Variants in ANOS1 observed in about 807,000 individuals in gnomAD.
ANOS1 encodes anosmin-1.
ANOS1 carries 6 observed loss-of-function variants against 59.0 expected under a neutral mutation model. The observed-to-expected ratio is 0.10, with a 90% CI of 0.06 to 0.20. The LOEUF is 0.20. ANOS1 is among the 10% of genes least tolerant of loss of function. ANOS1 has a pLI of 1.00. For synonymous variants in ANOS1, 217 were observed against 223.4 expected, an observed-to-expected ratio of 0.97 and a Z score of 0.25; for missense variants, 433 against 542.3, an observed-to-expected ratio of 0.80 and a Z score of 2.00.
chrX:8,586,788 G>T lies in ANOS1; in HGVS notation c.726+1006C>A, dbSNP rs1321624244. 1.1e-4 allele frequency among the ~76,000 whole-genome samples: 11 copies of T among 101,919 alleles called. No individual in the cohort carries two copies. In the Admixed American group the frequency reaches 1.2e-3, roughly 11 times the overall value. 88.5% of individuals were successfully genotyped at this position (101,919 alleles called of 115,157 possible). On this transcript the variant is annotated intron_variant, in intron 5 of 13. Transcript: ENST00000262648. Reference sequence around the variant, plus strand: ...AGAATTACTAAATTTATTTGACCAGGTTTTTTTTTTTTCTAATTTAATGTT... The same window carrying T: ...AGAATTACTAAATTTATTTGACCAGTTTTTTTTTTTTTCTAATTTAATGTT...
Position 8,530,521 on chromosome X carries a change from C to T in ANOS1, c.*2474G>A, listed in dbSNP as rs745895869. 2 of 109,924 alleles carry T rather than the reference C, an allele frequency of 1.8e-5. No homozygotes were observed. Among genetic ancestry groups the T allele is most frequent in the South Asian group, 7.8e-4 (2 of 2,564 alleles). 9.1% of individuals were successfully genotyped at this position (109,924 alleles called of 1,213,427 possible). A position where few individuals can be genotyped will look rare whatever the true frequency, so the allele number is the denominator to read the frequency against. ...GAGAAACACATGTTTTTTATTAGCC[C>T]ATTAATAGCATTTTTCTTCCAATAA... On this transcript the variant is annotated 3_prime_UTR_variant, in exon 14 of 14. Transcript: ENST00000262648.
intron 1 of ANOS1, among the ~76,000 whole-genome samples, chrX:8,723,135 A>G (rs988915696): frequency 4.4e-5 from 5 of 112,516 alleles, no homozygotes; most frequent in African/African-American, 1.6e-4. Context: ...TAACCCTTTG[A>G]GACACTGGCT....
At chrX:8,589,241 A>C (rs1930574449) in intron 4 of ANOS1, among the ~76,000 whole-genome samples, 2 of 111,877 alleles carry the variant, frequency 1.8e-5, no homozygotes, top group South Asian at 7.5e-4. Context: ...AAAAAAAGCT[A>C]TTTTCTGGAG....
At position 8,667,282 on chromosome X, in the gene ANOS1, TTTTG is replaced by T. The variant is rs778918851; in HGVS notation, c.255+32412_255+32415del. Among the ~76,000 whole-genome samples the T allele has an allele frequency of 1.5e-3, 166 of 110,226 alleles. 1 individual carries two copies. The highest frequency in any genetic ancestry group is 4.4e-3 in the African/African-American group (133 of 30,270). On this transcript the variant is annotated intron_variant, in intron 2 of 13. Transcript: ENST00000262648. ...AACTCTTCTCTAATTTCCATAAAGC[TTTTG>T]TTTGTTTGTTTGTTTGTTTTTTGCG...
At chrX:8,666,404 C>A (rs752295702) in intron 2 of ANOS1, among the ~76,000 whole-genome samples, 2 of 111,312 alleles carry the variant, frequency 1.8e-5, no homozygotes, top group Non-Finnish European at 3.8e-5. Context: ...TTCAACAACT[C>A]CCCAACCAGT....
chrX:8,684,572 T>G (rs781771085), intron 2 of ANOS1, among the ~76,000 whole-genome samples: 20 of 110,981 alleles, frequency 1.8e-4, no homozygotes, highest in Non-Finnish European at 3.0e-4. Context: ...TTATCCTTAG[T>G]GCAGGCATTA....
chrX:8,611,459 T>C (rs1931057006), intron 3 of ANOS1, among the ~76,000 whole-genome samples: 1 of 110,375 alleles, frequency 9.1e-6, no homozygotes, highest in African/African-American at 3.3e-5. Context: ...AAAAATTTGA[T>C]TAAAATTGTA....
chrX:8,714,941 T>G (rs1932833547), intron 1 of ANOS1, among the ~76,000 whole-genome samples: 1 of 112,301 alleles, frequency 8.9e-6, no homozygotes, highest in African/African-American at 3.2e-5. Flanking sequence ...TCATCATGAT[T>G]CTGGGTTATT....
At chrX:8,620,830 A>T (rs751866096) in intron 3 of ANOS1, among the ~76,000 whole-genome samples, 1 of 112,000 alleles carries the variant, frequency 8.9e-6, no homozygotes, top group East Asian at 2.8e-4. Context: ...GCCAGAAGGG[A>T]TCACATTCAA....
intron 1 of ANOS1, among the ~76,000 whole-genome samples, chrX:8,700,410 T>C: frequency 9.0e-6 from 1 of 111,046 alleles, no homozygotes; most frequent in Non-Finnish European, 1.9e-5. Context: ...CATCAGATCT[T>C]GTGAGAACTC....
intron 3 of ANOS1, among the ~76,000 whole-genome samples, chrX:8,607,513 A>G (rs1023847814): frequency 1.8e-5 from 2 of 111,940 alleles, no homozygotes; most frequent in African/African-American, 6.5e-5. Context: ...TTTTGAAAAC[A>G]AATGTGTCAC....
At chrX:8,689,775 C>CAA (rs1226656927) in intron 2 of ANOS1, among the ~76,000 whole-genome samples, 4 of 80,712 alleles carry the variant, frequency 5.0e-5, no homozygotes, top group African/African-American at 1.8e-4. Flanking sequence ...AAAAAAAAAA[C>CAA]AAAAAAAAAA....
chrX:8,674,884 G>A (rs918868925), intron 2 of ANOS1, among the ~76,000 whole-genome samples: 8 of 111,378 alleles, frequency 7.2e-5, no homozygotes, highest in Non-Finnish European at 1.5e-4. Context: ...AGCTCCAAAT[G>A]GATTTTCTCA....
chrX:8,629,639 A>G (rs1368101204), intron 2 of ANOS1, among the ~76,000 whole-genome samples: 1 of 110,991 alleles, frequency 9.0e-6, no homozygotes, highest in Non-Finnish European at 1.9e-5. Flanking sequence ...CCTCCAACTC[A>G]TGAGTGGAAG....
At chrX:8,537,759 T>A (rs1181578199) in intron 10 of ANOS1, among the ~76,000 whole-genome samples, 1 of 79,524 alleles carries the variant, frequency 1.3e-5, no homozygotes, top group Admixed American at 1.4e-4. Context: ...CGTGTGTGTG[T>A]GTGTGTGTGT....
At chrX:8,567,383 CT>C (rs1930134532) in intron 8 of ANOS1, among the ~76,000 whole-genome samples, 2 of 111,918 alleles carry the variant, frequency 1.8e-5, no homozygotes, top group Admixed American at 9.5e-5. Context: ...TTTGTGCCCC[CT>C]ATCCACTCGC....
chrX:8,587,906 G>A lies in ANOS1; in HGVS notation c.614C>T (p.Ser205Phe). Residue 205 changes from serine to phenylalanine, a missense_variant, in exon 5 of 14, where the codon TCC becomes TTC. Coordinates refer to ENST00000262648, the MANE Select transcript of ANOS1 (RefSeq NM_000216.4). ...LQSGQLEVKW[S>F]SKFNISIEPV... Reference sequence around the variant, plus strand: ...CTCAATAGAAATATTGAATTTCGAGGACCACTTAACCTCCAGCTGTCCAGA... The same window carrying A: ...CTCAATAGAAATATTGAATTTCGAGAACCACTTAACCTCCAGCTGTCCAGA... 8.3e-7 allele frequency: 1 copy of A among 1,208,047 alleles called. No individual in the cohort carries two copies. Among genetic ancestry groups the A allele is most frequent in the South Asian group, 1.8e-5 (1 of 56,665 alleles).
In ANOS1 at chrX:8,723,185, C is replaced by A. The variant is rs770457477; in HGVS notation, c.207+8645G>T. Among the ~76,000 whole-genome samples, 5 of 112,494 alleles carry A rather than the reference C, an allele frequency of 4.4e-5. No individual in the cohort carries two copies. The East Asian group carries it at 1.4e-3, about 31-fold the overall frequency. On this transcript the variant is annotated intron_variant, in intron 1 of 13. Coordinates refer to ENST00000262648, the MANE Select transcript of ANOS1 (RefSeq NM_000216.4). ...ATGACCAAATACCCAAAACCAAACA[C>A]AACAAAAACAAAGATAAATAGGTGG...
At chrX:8,658,750 C>A (rs997887649) in intron 2 of ANOS1, among the ~76,000 whole-genome samples, 8 of 111,570 alleles carry the variant, frequency 7.2e-5, no homozygotes, top group African/African-American at 2.6e-4. Flanking sequence ...TCTCACTTTG[C>A]AGGTAAAGAG....
Sources: allele counts gnomAD v4.1 joint callset (sites outside exome capture counted in the v4.1 genomes callset), GRCh38; gene constraint gnomAD v4.1.1; transcripts MANE v1.5; gene names NCBI Gene and HGNC (gene_info 2026-07-23, HGNC 2026-07-21).